Variants in TBC1D22A observed in about 807,000 individuals in gnomAD.
TBC1D22A encodes putative GTPase activator.
Under a neutral mutation model 60.2 loss-of-function variants are expected in TBC1D22A, and 38 were observed. That is an observed-to-expected ratio of 0.63 (90% confidence interval 0.49 to 0.83). The LOEUF is 0.83. TBC1D22A is among the 40% of genes least tolerant of loss of function. TBC1D22A has a pLI of 0.00. For missense variants in TBC1D22A, 628 were observed against 701.0 expected (o/e 0.90, Z 1.18); for synonymous variants, 302 against 281.7 (o/e 1.07, Z -0.72).
At chr22:47,141,826 C>G (rs2067096002) in intron 12 of TBC1D22A, among the ~76,000 whole-genome samples, 1 of 152,214 alleles carries the variant, frequency 6.6e-6, no homozygotes, top group Admixed American at 6.5e-5. Context: ...TTAAACACTA[C>G]AGTTTTTTAA....
At chr22:46,785,590 A>G (rs565425383) in intron 1 of TBC1D22A, among the ~76,000 whole-genome samples, 2 of 152,274 alleles carry the variant, frequency 1.3e-5, no homozygotes, top group South Asian at 2.1e-4. Context: ...GTGTCCTTTA[A>G]CTATCACCCC....
chr22:47,061,024 C>A (rs113990273), intron 11 of TBC1D22A, among the ~76,000 whole-genome samples: 1 of 152,172 alleles, frequency 6.6e-6, no homozygotes, highest in Non-Finnish European at 1.5e-5. Flanking sequence ...TCGCATGCGA[C>A]CTCCTGGAAA....
rs563410387 is a variant in TBC1D22A at position 46,897,648 on chromosome 22, T to G, written c.900+2802T>G. ...TTGTTTTGTTTCGTTTTGTTTTTTT[T>G]TGTGTTTTTTTTTTTTTTTTTAGTT... On this transcript the variant is annotated intron_variant, in intron 7 of 12. Transcript: ENST00000337137. 5.0e-3 allele frequency among the ~76,000 whole-genome samples: 553 copies of G among 109,628 alleles called. 7 individuals carry two copies. In the Middle Eastern group the frequency reaches 0.053, roughly 10 times the overall value. 71.9% of individuals were successfully genotyped at this position (109,628 alleles called of 152,430 possible).
At chr22:47,157,061 C>T (rs899288582) in intron 12 of TBC1D22A, among the ~76,000 whole-genome samples, 24 of 152,198 alleles carry the variant, frequency 1.6e-4, no homozygotes, top group African/African-American at 4.6e-4. Context: ...TGGGTGCCCC[C>T]GGTGTGCAGG....
At chr22:46,975,192 G>T (rs1006707971) in intron 9 of TBC1D22A, among the ~76,000 whole-genome samples, 4 of 152,126 alleles carry the variant, frequency 2.6e-5, no homozygotes, top group Non-Finnish European at 5.9e-5. Flanking sequence ...CTCGCTTCCT[G>T]TGAGGTGCTG....
At chr22:46,835,413 C>G (rs1250423260) in intron 4 of TBC1D22A, among the ~76,000 whole-genome samples, 1 of 152,008 alleles carries the variant, frequency 6.6e-6, no homozygotes, top group Non-Finnish European at 1.5e-5. Context: ...TAAAAAAGAA[C>G]CAAACAAATT....
chr22:46,839,991 C>G (rs543835420), intron 4 of TBC1D22A, among the ~76,000 whole-genome samples: 12 of 152,292 alleles, frequency 7.9e-5, no homozygotes, highest in African/African-American at 2.6e-4. Flanking sequence ...AACTGTAAAA[C>G]TACTGGAAGA....
At chr22:47,038,880 CTGTTT>C (rs1275128906) in intron 11 of TBC1D22A, among the ~76,000 whole-genome samples, 1 of 152,220 alleles carries the variant, frequency 6.6e-6, no homozygotes, top group Non-Finnish European at 1.5e-5. Context: ...TTACCTTGGG[CTGTTT>C]TGTTAAAGTA....
chr22:46,904,612 G>A (rs1221797362), intron 7 of TBC1D22A, among the ~76,000 whole-genome samples: 3 of 151,880 alleles, frequency 2.0e-5, no homozygotes, highest in South Asian at 2.1e-4. Context: ...GGGATTACAG[G>A]CGCCCGCCAC....
At chr22:46,929,758 G>A (rs1191441461) in intron 8 of TBC1D22A, among the ~76,000 whole-genome samples, 2 of 152,152 alleles carry the variant, frequency 1.3e-5, no homozygotes, top group African/African-American at 4.8e-5. Flanking sequence ...GCATGCACAT[G>A]TGTGGTAAAA....
At chr22:46,931,186 C>T (rs2071339901) in intron 8 of TBC1D22A, among the ~76,000 whole-genome samples, 1 of 152,186 alleles carries the variant, frequency 6.6e-6, no homozygotes, top group South Asian at 2.1e-4. Flanking sequence ...TCTCCATTAT[C>T]TGGCTTTTCT....
chr22:47,037,122 C>G lies in TBC1D22A; in HGVS notation c.1253C>G (p.Ala418Gly), dbSNP rs145253414. The G allele has an allele frequency of 2.7e-4, 431 of 1,613,948 alleles. 2 individuals carry two copies. The African/African-American group carries it at 5.4e-3, about 20-fold the overall frequency. ...CACGAAGTGAGATACCTGCAGTTTG[C>G]CTTCCGCTGGATGAACAACCTGCTG... ...DQHEVRYLQF[A>G]FRWMNNLLMR... The change falls in exon 11 of 13, where the codon GCC (alanine) becomes GGC (glycine). Residue 418 changes from alanine to glycine, a missense_variant. Physicochemically the swap from Ala to Gly is moderately conservative, Grantham distance 60. Transcript: ENST00000337137.
intron 8 of TBC1D22A, among the ~76,000 whole-genome samples, chr22:46,962,963 C>T (rs530617921): frequency 2.0e-5 from 3 of 151,812 alleles, no homozygotes; most frequent in African/African-American, 7.3e-5. Context: ...CCTGTAATCC[C>T]AGCACTTTGG....
intron 11 of TBC1D22A, among the ~76,000 whole-genome samples, chr22:47,097,024 G>C (rs2065206625): frequency 6.6e-6 from 1 of 151,612 alleles, no homozygotes. Context: ...TGGCACTGCT[G>C]TGCCTGTCAT....
intron 11 of TBC1D22A, among the ~76,000 whole-genome samples, chr22:47,067,705 A>G (rs2063823223): frequency 6.6e-6 from 1 of 152,228 alleles, no homozygotes; most frequent in African/African-American, 2.4e-5. Context: ...AGCCTCAGGA[A>G]GGGACCATCG....
At position 47,151,810 on chromosome 22, in the gene TBC1D22A, C is replaced by T. The variant is rs1052640307; in HGVS notation, c.1426-21688C>T. Among the ~76,000 whole-genome samples the T allele has an allele frequency of 1.6e-4, 24 of 152,222 alleles. 1 individual carries two copies. The highest frequency in any genetic ancestry group is 5.1e-4 in the African/African-American group (21 of 41,460). ...GCATAAAGCCACCATGCCGGCCTGTCGGGAAAGAGCAGCGTCACCCAGGGG... is the reference window on the plus strand; with the variant it reads ...GCATAAAGCCACCATGCCGGCCTGTTGGGAAAGAGCAGCGTCACCCAGGGG... On this transcript the variant is annotated intron_variant, in intron 12 of 12. Coordinates refer to ENST00000337137, the MANE Select transcript of TBC1D22A (RefSeq NM_014346.5).
At chr22:47,149,380 T>C (rs114399314) in intron 12 of TBC1D22A, among the ~76,000 whole-genome samples, 3,449 of 152,382 alleles carry the variant, frequency 0.023, 115 homozygotes, top group African/African-American at 0.076. Flanking sequence ...ATGAGACGTT[T>C]AGCAAAATGC....
At chr22:47,032,882 C>T (rs1313035926) in intron 10 of TBC1D22A, among the ~76,000 whole-genome samples, 1 of 152,226 alleles carries the variant, frequency 6.6e-6, no homozygotes, top group South Asian at 2.1e-4. Flanking sequence ...AGGCCAGGCA[C>T]CTGCCCTGGA....
chr22:47,061,121 G>A (rs543689415), intron 11 of TBC1D22A, among the ~76,000 whole-genome samples: 13 of 149,540 alleles, frequency 8.7e-5, no homozygotes, highest in East Asian at 2.0e-4. Context: ...CCTCACCACC[G>A]TCCTGGAAAG....
Sources: gnomAD v4.1 joint callset for allele counts (sites outside exome capture counted in the v4.1 genomes callset) on GRCh38, gnomAD v4.1.1 for gene constraint, MANE v1.5 for transcripts, NCBI Gene and HGNC (gene_info 2026-07-23, HGNC 2026-07-21) for gene names.